AGK: variants seen among roughly 807,000 people sequenced by gnomAD.
AGK encodes the protein acylglycerol kinase, mitochondrial.
In AGK, 52 loss-of-function variants were observed where a neutral mutation model predicts 66.4. The ratio of observed to expected loss-of-function variants is 0.78; its 90% confidence interval spans 0.63 to 0.99. The LOEUF (loss-of-function observed/expected upper bound fraction) is 0.99. AGK is among the 50% of genes least tolerant of loss of function. The pLI is 0.00. For synonymous variants in AGK, 182 were observed against 181.1 expected, an observed-to-expected ratio of 1.00 and a Z score of -0.04; for missense variants, 451 against 506.6, an observed-to-expected ratio of 0.89 and a Z score of 1.05.
intron 13 of AGK, 37 bp downstream of exon 13, chr7:141,641,945 CTA>C: frequency 6.6e-7 from 1 of 1,514,276 alleles, no homozygotes; most frequent in South Asian, 1.2e-5. Flanking sequence ...CATTTGGTAC[CTA>C]AGAAAAGTGA....
At chr7:141,560,841 G>C (rs1261062392) in intron 2 of AGK, among the ~76,000 whole-genome samples, 1 of 139,436 alleles carries the variant, frequency 7.2e-6, no homozygotes, top group Non-Finnish European at 1.5e-5. Flanking sequence ...CTGTCGCCCA[G>C]GCTGGAGTGC....
intron 2 of AGK, among the ~76,000 whole-genome samples, chr7:141,583,053 G>A (rs1795914850): frequency 6.6e-6 from 1 of 151,896 alleles, no homozygotes; most frequent in African/African-American, 2.4e-5. Context: ...AGAATGCCTG[G>A]ACATCAGGCA....
chr7:141,621,589 GGAGGGGGAGAGAGA>G, intron 8 of AGK, 129 bp from the exon 9 acceptor site: 4 of 634,244 alleles, frequency 6.3e-6, no homozygotes, highest in East Asian at 2.9e-5. Context: ...AGAGAGGGAA[GGAGGGGGAGAGAGA>G]GAGAGGGAGA....
chr7:141,591,109 T>A (rs1431769820), intron 2 of AGK, among the ~76,000 whole-genome samples: 3 of 98,678 alleles, frequency 3.0e-5, no homozygotes, highest in African/African-American at 1.1e-4. Context: ...TTTTTTTTTT[T>A]GAGACAGAGT....
intron 2 of AGK, among the ~76,000 whole-genome samples, chr7:141,568,049 A>G (rs887227236): frequency 2.0e-5 from 3 of 152,214 alleles, no homozygotes; most frequent in Admixed American, 6.5e-5. Context: ...AGTAAACTTG[A>G]TATAATACAT....
intron 4 of AGK, among the ~76,000 whole-genome samples, chr7:141,597,874 G>A (rs1369413268): frequency 3.5e-5 from 4 of 115,480 alleles, no homozygotes; most frequent in African/African-American, 1.5e-4. Flanking sequence ...CTGGGCAATA[G>A]AGTGAGACTC....
At chr7:141,651,719 A>G in intron 15 of AGK, 110 bp downstream of exon 15, 1 of 1,023,770 alleles carries the variant, frequency 9.8e-7, no homozygotes, top group Non-Finnish European at 1.5e-6. Context: ...ACTTAGGCAC[A>G]TATTGTGTGC....
At chr7:141,604,693 C>T (rs1208381572) in intron 5 of AGK, among the ~76,000 whole-genome samples, 3 of 150,016 alleles carry the variant, frequency 2.0e-5, no homozygotes, top group Non-Finnish European at 4.4e-5. Context: ...AAGCGATTCT[C>T]CTGCCTCAGC....
intron 11 of AGK, 102 bp downstream of exon 11, chr7:141,637,119 G>C: frequency 1.1e-6 from 1 of 912,498 alleles, no homozygotes. Context: ...ACAGATGAAT[G>C]TGGCATGCTT....
intron 3 of AGK, among the ~76,000 whole-genome samples, chr7:141,595,007 C>T (rs906491859): frequency 2.0e-5 from 3 of 152,202 alleles, no homozygotes; most frequent in African/African-American, 7.2e-5. Context: ...CCTTCCATCT[C>T]ACAAATGGAA....
intron 2 of AGK, among the ~76,000 whole-genome samples, chr7:141,577,970 G>A (rs868128988): frequency 1.3e-5 from 2 of 151,898 alleles, no homozygotes; most frequent in Non-Finnish European, 2.9e-5. Context: ...ATGCCACCAC[G>A]CCCAGCTAAT....
intron 5 of AGK, among the ~76,000 whole-genome samples, chr7:141,604,048 C>T (rs1796395929): frequency 6.6e-6 from 1 of 151,846 alleles, no homozygotes; most frequent in African/African-American, 2.4e-5. Flanking sequence ...AGATACTTAT[C>T]AATTATATGC....
intron 5 of AGK, among the ~76,000 whole-genome samples, 176 bp downstream of exon 5, chr7:141,601,456 A>C (rs950310754): frequency 6.6e-6 from 1 of 152,190 alleles, no homozygotes; most frequent in African/African-American, 2.4e-5. Context: ...TCAGCTTTTC[A>C]TTTTCAGAAT....
chr7:141,560,322 C>T (rs1477151847), intron 2 of AGK, among the ~76,000 whole-genome samples: 1 of 151,360 alleles, frequency 6.6e-6, no homozygotes, highest in Non-Finnish European at 1.5e-5. Flanking sequence ...ACAGTGCTCA[C>T]ATTCTTTATA....
At chr7:141,559,554 C>T (rs963302779) in intron 2 of AGK, among the ~76,000 whole-genome samples, 1 of 152,052 alleles carries the variant, frequency 6.6e-6, no homozygotes, top group African/African-American at 2.4e-5. Flanking sequence ...ATAAGACTTC[C>T]ATCCTTGTTC....
intron 8 of AGK, among the ~76,000 whole-genome samples, chr7:141,619,168 A>C (rs1796772237): frequency 6.6e-6 from 1 of 152,180 alleles, no homozygotes; most frequent in Non-Finnish European, 1.5e-5. Flanking sequence ...ATGTTTCACA[A>C]GGCTTTTTGT....
At chr7:141,577,743 G>A (rs1052536172) in intron 2 of AGK, among the ~76,000 whole-genome samples, 4 of 151,980 alleles carry the variant, frequency 2.6e-5, no homozygotes, top group East Asian at 1.9e-4. Context: ...GGGGTTTCTC[G>A]GGGACCCCTT....
At chr7:141,595,840 C>G (rs1796214348) in intron 3 of AGK, among the ~76,000 whole-genome samples, 1 of 152,166 alleles carries the variant, frequency 6.6e-6, no homozygotes, top group African/African-American at 2.4e-5. Flanking sequence ...CTTAGAGAGG[C>G]TTTGGAATTA....
At chr7:141,557,480 G>A (rs71545325) in intron 2 of AGK, among the ~76,000 whole-genome samples, 5,337 of 152,236 alleles carry the variant, frequency 0.035, 150 homozygotes, top group South Asian at 0.14. Flanking sequence ...TAGGTCAGTC[G>A]GGGAAAATTC....
Sources: gnomAD v4.1 joint callset for allele counts (sites outside exome capture counted in the v4.1 genomes callset) on GRCh38, gnomAD v4.1.1 for gene constraint, MANE v1.5 for transcripts, NCBI Gene and HGNC (gene_info 2026-07-23, HGNC 2026-07-21) for gene names.